The following POLQ variants were observed in gnomAD, a reference collection of about 807,000 sequenced individuals.
The protein encoded by POLQ is epididymis secretory sperm binding protein.
POLQ carries 233 observed loss-of-function variants against 259.2 expected under a neutral mutation model. The observed-to-expected ratio is 0.90, with a 90% CI of 0.81 to 1.00. The LOEUF is 1.00. Among genes scored for constraint, POLQ ranks in the 50% least tolerant of loss-of-function variants. The pLI is 0.00. For missense variants in POLQ, 2,871 were observed against 3,051.6 expected (o/e 0.94, Z 1.39); for synonymous variants, 1,025 against 1,048.8 (o/e 0.98, Z 0.44).
intron 27 of POLQ, among the ~76,000 whole-genome samples, chr3:121,436,727 T>C (rs777021907): frequency 1.3e-5 from 2 of 151,944 alleles, no homozygotes; most frequent in Non-Finnish European, 2.9e-5. Flanking sequence ...GTCTTTAATA[T>C]AGAGTGTGAG....
At position 121,511,985 on chromosome 3, in the gene POLQ, T is replaced by C; in HGVS notation, c.1513A>G (p.Ile505Val). Residue 505 changes from isoleucine to valine, a missense_variant, in exon 10 of 30, where the codon ATA becomes GTA. Transcript: ENST00000264233. ...ICKNSEKSKGIALLQGSLKPV... is the reference protein window; with the variant it reads ...ICKNSEKSKGVALLQGSLKPV... ...TTTAGAGAACCCTGAAGGAGAGCTA[T>C]GCCTTTTGATTTCTCAGAGTTCTTA... The C allele has an allele frequency of 6.2e-7, 1 of 1,613,566 alleles. No homozygotes were observed. Among genetic ancestry groups the C allele is most frequent in the Non-Finnish European group, 8.5e-7 (1 of 1,179,530 alleles).
intron 13 of POLQ, 74 bp from the exon 14 acceptor site, chr3:121,497,006 A>T: frequency 6.7e-7 from 1 of 1,502,974 alleles, no homozygotes. Context: ...TTGAAAAATG[A>T]CTAAGAACTG....
In POLQ at chr3:121,533,524, T is replaced by TC. The variant is rs1438925477; in HGVS notation, c.741-316dup. On this transcript the variant is annotated intron_variant, in intron 5 of 29. Coordinates refer to ENST00000264233, the MANE Select transcript of POLQ (RefSeq NM_199420.4). ...GTTATAGACAGTACGTGGTAGTATT[T>TC]CTTTTTTTTTAGACAGGGTCTTGCT... 2.0e-5 allele frequency among the ~76,000 whole-genome samples: 3 copies of TC among 152,308 alleles called. No homozygotes were observed. In the East Asian group the frequency reaches 5.8e-4, roughly 29 times the overall value.
rs1249366895 is a variant in POLQ, at chr3:121,467,606, T to C, written c.6880A>G (p.Arg2294Gly). 1.2e-6 allele frequency: 2 copies of C among 1,613,844 alleles called. No individual in the cohort carries two copies. The highest frequency in any genetic ancestry group is 1.7e-6 in the Non-Finnish European group (2 of 1,179,736). Residue 2294 changes from arginine (R) to glycine (G), a missense_variant, in exon 24 of 30, where the codon AGA (arginine) becomes GGA (glycine). Physicochemically the swap from Arg to Gly is moderately radical, Grantham distance 125. This residue lies in a region of POLQ where 2,080 missense variants were observed against 2,126.0 expected (regional missense o/e 0.98). Transcript: ENST00000264233. ...KYKKGFSVNP[R>G]CQAQMEERAA... ...CTCTCCTCCATCTGTGCCTGGCATC[T>C]AGGATTCACGCTGAAACCCTTCTTA...
At chr3:121,443,669 G>A (rs564011770) in intron 26 of POLQ, among the ~76,000 whole-genome samples, 32 of 152,032 alleles carry the variant, frequency 2.1e-4, no homozygotes, top group Non-Finnish European at 4.1e-4. Flanking sequence ...AGAAATCTTT[G>A]CCCAGACTGA....
chr3:121,486,503 G>A (rs2048012932), intron 16 of POLQ, among the ~76,000 whole-genome samples: 4 of 151,026 alleles, frequency 2.6e-5, no homozygotes, highest in South Asian at 2.1e-4. Flanking sequence ...GCAGTGAGCC[G>A]ACATCATGCC....
At chr3:121,457,570 C>T (rs552297383) in intron 25 of POLQ, among the ~76,000 whole-genome samples, 6 of 152,190 alleles carry the variant, frequency 3.9e-5, no homozygotes, top group African/African-American at 9.6e-5. Context: ...AAAAAGTTGG[C>T]GAAGGACATA....
Position 121,432,226 on chromosome 3 carries a change from G to A in POLQ, c.*78C>T. 1 of 1,343,128 alleles carries A rather than the reference G, an allele frequency of 7.4e-7. No individual in the cohort carries two copies. 83.2% of individuals were successfully genotyped at this position (1,343,128 alleles called of 1,614,324 possible). A position where few individuals can be genotyped will look rare whatever the true frequency, so the allele number is the denominator to read the frequency against. ...TTGAAAGTTTGTTTTGCTGAGGTAG[G>A]TGAAAGGGTAATCTCTGTTCTTTCC... is the stretch of plus-strand genomic sequence containing the variant. On this transcript the variant is annotated 3_prime_UTR_variant, in exon 30 of 30. Transcript: ENST00000264233.
rs761095457 is a variant in POLQ at position 121,468,388 on chromosome 3, T to G, written c.6762A>C (p.Arg2254Ser). ...FTEPNIQNVP[R>S]DFEIKMPTLV... ...GTGTTGGCATTTTGATTTCAAAATC[T>G]CTTGGCACATTCTGAATATTTGGTT... Residue 2254 changes from arginine (R) to serine (S), a missense_variant, in exon 23 of 30, where the codon AGA becomes AGC. Arg to Ser is a moderately radical substitution (Grantham distance 110). Coordinates refer to ENST00000264233, the MANE Select transcript of POLQ (RefSeq NM_199420.4). 1 of 1,610,200 alleles carries G rather than the reference T, an allele frequency of 6.2e-7. No homozygotes were observed. Among genetic ancestry groups the G allele is most frequent in the South Asian group, 1.1e-5 (1 of 90,964 alleles).
rs779818079 is a variant in POLQ at position 121,529,678 on chromosome 3, G to A, written c.1075C>T (p.Arg359Ter). 1.4e-5 allele frequency: 23 copies of A among 1,613,248 alleles called. No homozygotes were observed. The highest frequency in any genetic ancestry group is 2.7e-5 in the African/African-American group (2 of 74,850). ...TGATGATGTAGATTATAAAACTCTC[G>A]AGCAATGATATCTGCCAGCTTCTCA... Reference protein sequence around the residue: ...WCEKLADIIAREFYNLHHQAE... With the variant: ...WCEKLADIIA Residue 359 changes from arginine (R) to a stop codon, truncating the protein, a stop_gained, in exon 7 of 30, where the codon CGA becomes TGA. Transcript: ENST00000264233. LOFTEE classifies it high-confidence loss of function.
chr3:121,476,438 T>C (rs1326917106), intron 20 of POLQ, 102 bp downstream of exon 20: 14 of 799,404 alleles, frequency 1.8e-5, no homozygotes, highest in Middle Eastern at 2.4e-4. Flanking sequence ...TTTACTGACC[T>C]TTGGTGTTCA....
intron 2 of POLQ, among the ~76,000 whole-genome samples, chr3:121,543,474 T>G (rs1350045355): frequency 6.6e-6 from 1 of 152,184 alleles, no homozygotes; most frequent in Non-Finnish European, 1.5e-5. Flanking sequence ...AGCCAGTAAG[T>G]GATAGTTTTC....
rs1304372996 is a variant in POLQ, at chr3:121,490,155, G to A, written c.2776C>T (p.Gln926Ter). 6.2e-7 allele frequency: 1 copy of A among 1,609,880 alleles called. No individual in the cohort carries two copies. Among genetic ancestry groups the A allele is most frequent in the Non-Finnish European group, 8.5e-7 (1 of 1,177,010 alleles). ...AATTTTTTATAAGAACTCTTAGTTT[G>A]GGATATAAATGTGTGTTCCTTTACT... ...SEVKEHTFISQTKSSYKKLTS... is the reference protein window; with the variant it reads ...SEVKEHTFIS Residue 926 changes from glutamine (Q) to a stop codon, truncating the protein, a stop_gained, in exon 16 of 30, where the codon CAA becomes TAA. Transcript: ENST00000264233. LOFTEE classifies it high-confidence loss of function.
In POLQ at chr3:121,460,006, AC is replaced by A. The variant is rs781421984; in HGVS notation, c.7152+43del. 10 of 1,439,266 alleles carry A rather than the reference AC, an allele frequency of 6.9e-6. No homozygotes were observed. The South Asian group carries it at 1.2e-4, about 17-fold the overall frequency. The allele number at this position is 1,439,266 out of a possible 1,614,324, so 89.2% of individuals were successfully genotyped here. On this transcript the variant is annotated intron_variant, in intron 25 of 29. Transcript: ENST00000264233. ...GACCATTTTTAATTTTTTTTGAGTC[AC>A]TAAATTCTTCTCCTTTATATTAACC...
At chr3:121,480,058 T>C (rs184186376) in intron 19 of POLQ, among the ~76,000 whole-genome samples, 5 of 151,884 alleles carry the variant, frequency 3.3e-5, no homozygotes, top group Admixed American at 3.3e-4. Flanking sequence ...AAGAGAGACT[T>C]AGCAATAGCT....
chr3:121,503,196 A>G (rs574366636), intron 12 of POLQ, among the ~76,000 whole-genome samples: 3 of 152,380 alleles, frequency 2.0e-5, no homozygotes, highest in Admixed American at 2.0e-4. Flanking sequence ...AACTGCCTAC[A>G]GTACTCAGTA....
At chr3:121,453,214 G>A (rs2047695790) in intron 25 of POLQ, among the ~76,000 whole-genome samples, 2 of 152,112 alleles carry the variant, frequency 1.3e-5, no homozygotes, top group Non-Finnish European at 2.9e-5. Context: ...AAACAGAAAG[G>A]ACATCCACAC....
intron 3 of POLQ, among the ~76,000 whole-genome samples, chr3:121,539,891 A>G (rs2048478753): frequency 1.3e-5 from 2 of 152,220 alleles, no homozygotes; most frequent in African/African-American, 4.8e-5. Context: ...TACCTTAAGC[A>G]CTAACATTTT....
chr3:121,531,497 G>A (rs2048411671), intron 6 of POLQ, among the ~76,000 whole-genome samples: 1 of 152,160 alleles, frequency 6.6e-6, no homozygotes, highest in Admixed American at 6.5e-5. Flanking sequence ...GGTGGGGGAT[G>A]TAGATCATGT....
Sources: gnomAD v4.1 joint callset for allele counts (sites outside exome capture counted in the v4.1 genomes callset) on GRCh38, gnomAD v4.1.1 for gene constraint, gnomAD v4.1.1 regional missense constraint, MANE v1.5 for transcripts, NCBI Gene and HGNC (gene_info 2026-07-23, HGNC 2026-07-21) for gene names.